The following SDK1 variants were observed in gnomAD, a reference collection of about 807,000 sequenced individuals.
The protein encoded by SDK1 is protein sidekick-1.
In SDK1, 157 loss-of-function variants were observed where a neutral mutation model predicts 245.5. That is an observed-to-expected ratio of 0.64 (90% CI 0.56 to 0.73). SDK1 has a LOEUF of 0.73. Among genes scored for constraint, SDK1 ranks in the 30% least tolerant of loss-of-function variants. The pLI, the probability that SDK1 is intolerant of heterozygous loss-of-function variation, is 0.00. For synonymous variants in SDK1, 1,647 were observed against 1,278.5 expected (o/e 1.29, Z -6.15); for missense variants, 3,583 against 3,002.3 (o/e 1.19, Z -4.52).
At chr7:3,407,218 T>G (rs1779078976) in intron 1 of SDK1, among the ~76,000 whole-genome samples, 2 of 152,242 alleles carry the variant, frequency 1.3e-5, no homozygotes, top group Admixed American at 1.3e-4. Flanking sequence ...TTTCTGGAAC[T>G]TTGCGTGAAA....
intron 7 of SDK1, among the ~76,000 whole-genome samples, chr7:3,952,285 T>C (rs939703937): frequency 2.0e-5 from 3 of 152,200 alleles, no homozygotes; most frequent in Non-Finnish European, 4.4e-5. Context: ...CAGAAACTAT[T>C]CTATTATTGC....
chr7:4,156,343 C>T (rs943317192), intron 30 of SDK1, among the ~76,000 whole-genome samples: 1 of 152,192 alleles, frequency 6.6e-6, no homozygotes, highest in East Asian at 1.9e-4. Flanking sequence ...TTTGTTTTAA[C>T]TTAGCAAAGG....
chr7:3,826,467 G>A (rs954123092), intron 5 of SDK1, among the ~76,000 whole-genome samples: 4 of 152,132 alleles, frequency 2.6e-5, no homozygotes, highest in Non-Finnish European at 4.4e-5. Flanking sequence ...TTCTACTAAC[G>A]ACACAAGTGT....
Position 4,268,182 on chromosome 7 carries a change from C to T in SDK1, c.*2798C>T. On this transcript the variant is annotated 3_prime_UTR_variant, in exon 45 of 45. Coordinates refer to ENST00000404826, the MANE Select transcript of SDK1 (RefSeq NM_152744.4). ...CAGTGGCTGAGTCTCCCCACCCACC[C>T]CCAACGTGGCTCATTTCAGATTGCT... 1 of 987,312 alleles carries T rather than the reference C, an allele frequency of 1.0e-6. No homozygotes were observed. The highest frequency in any genetic ancestry group is 1.2e-6 in the Non-Finnish European group (1 of 831,124). The allele number at this position is 987,312 out of a possible 1,614,324, so 61.2% of individuals were successfully genotyped here.
At chr7:3,640,597 A>C (rs1246211318) in intron 3 of SDK1, among the ~76,000 whole-genome samples, 1 of 152,138 alleles carries the variant, frequency 6.6e-6, no homozygotes, top group African/African-American at 2.4e-5. Flanking sequence ...TTTTAAGAAG[A>C]GCTTCAAAAT....
chr7:3,438,751 T>A (rs1171639367), intron 1 of SDK1, among the ~76,000 whole-genome samples: 1 of 152,168 alleles, frequency 6.6e-6, no homozygotes, highest in Non-Finnish European at 1.5e-5. Flanking sequence ...TCTTCTCCTT[T>A]CACTTCAAAC....
At chr7:3,931,644 AT>A (rs1455158646) in intron 5 of SDK1, among the ~76,000 whole-genome samples, 1 of 152,186 alleles carries the variant, frequency 6.6e-6, no homozygotes, top group Non-Finnish European at 1.5e-5. Flanking sequence ...TTCCTCAGTG[AT>A]ATTTGCTCAG....
At chr7:3,671,522 C>T (rs1346221126) in intron 4 of SDK1, among the ~76,000 whole-genome samples, 1 of 152,096 alleles carries the variant, frequency 6.6e-6, no homozygotes, top group South Asian at 2.1e-4. Context: ...TCCCTTCTTT[C>T]TCAATATAGC....
chr7:4,262,418 C>G lies in SDK1; in HGVS notation c.6382-2706C>G, dbSNP rs552227262. Among the ~76,000 whole-genome samples, 12 of 151,480 alleles carry G rather than the reference C, an allele frequency of 7.9e-5. No individual in the cohort carries two copies. In the South Asian group the frequency reaches 2.5e-3, roughly 32 times the overall value. On this transcript the variant is annotated intron_variant, in intron 44 of 44. Transcript: ENST00000404826. ...TCAGAAAATGAACCTAGAAAACATG[C>G]AGGGTCCATGTTCTTAATGGAAGCT...
intron 27 of SDK1, among the ~76,000 whole-genome samples, chr7:4,130,864 A>G (rs1416291066): frequency 2.0e-5 from 3 of 152,204 alleles, no homozygotes; most frequent in African/African-American, 7.2e-5. Context: ...GAGTGGCTGA[A>G]GAAGTGAAAC....
chr7:3,971,576 C>A lies in SDK1; in HGVS notation c.1817+8C>A, dbSNP rs1782490495. The A allele has an allele frequency of 1.9e-6, 3 of 1,575,402 alleles. No homozygotes were observed. The highest frequency in any genetic ancestry group is 1.3e-5 in the African/African-American group (1 of 74,234). On this transcript the variant is annotated splice_region_variant and intron_variant, in intron 12 of 44. Transcript: ENST00000404826. ...CCCCCGGGTTTCACTCCGGTCAGCACAATCAGTTACAATGCTTTGGGGCTT... is the reference window on the plus strand; with the variant it reads ...CCCCCGGGTTTCACTCCGGTCAGCAAAATCAGTTACAATGCTTTGGGGCTT...
At chr7:3,742,996 G>C (rs1779519161) in intron 4 of SDK1, among the ~76,000 whole-genome samples, 1 of 152,180 alleles carries the variant, frequency 6.6e-6, no homozygotes, top group African/African-American at 2.4e-5. Flanking sequence ...AGCATGTATG[G>C]ATATTCAGTA....
intron 4 of SDK1, among the ~76,000 whole-genome samples, chr7:3,715,120 A>G (rs970686131): frequency 4.6e-5 from 7 of 152,182 alleles, no homozygotes; most frequent in Admixed American, 6.6e-5. Flanking sequence ...ATTGTTCACT[A>G]TATTCCAAAA....
intron 30 of SDK1, among the ~76,000 whole-genome samples, chr7:4,156,114 G>A (rs907323660): frequency 7.9e-5 from 12 of 152,174 alleles, no homozygotes; most frequent in African/African-American, 2.4e-4. Context: ...CTGAGGCAAA[G>A]TATGCTGTCC....
Position 4,265,432 on chromosome 7 carries a change from A to C in SDK1, c.*48A>C. ...GGGCGGAACGGAGGCAACTTTCCGGAGTCTATTTTTGTTAAGACAATCAAC... is the reference window on the plus strand; with the variant it reads ...GGGCGGAACGGAGGCAACTTTCCGGCGTCTATTTTTGTTAAGACAATCAAC... On this transcript the variant is annotated 3_prime_UTR_variant, in exon 45 of 45. Coordinates refer to ENST00000404826, the MANE Select transcript of SDK1 (RefSeq NM_152744.4). 2.1e-6 allele frequency: 3 copies of C among 1,402,058 alleles called. No individual in the cohort carries two copies. Among genetic ancestry groups the C allele is most frequent in the Non-Finnish European group, 2.8e-6 (3 of 1,086,620 alleles). The allele number at this position is 1,402,058 out of a possible 1,614,324, so 86.9% of individuals were successfully genotyped here.
chr7:3,577,910 G>C lies in SDK1; in HGVS notation c.299-41170G>C, dbSNP rs535678997. On this transcript the variant is annotated intron_variant, in intron 1 of 44. Transcript: ENST00000404826. ...GGTGTGCGGTGACTGCATTGCTGAT[G>C]TGGTTTAAAGGAACCTGGAGCTCTT... Among the ~76,000 whole-genome samples the C allele has an allele frequency of 5.9e-5, 9 of 152,096 alleles. No homozygotes were observed. The South Asian group carries it at 1.7e-3, about 28-fold the overall frequency.
At chr7:3,549,267 G>A (rs765827881) in intron 1 of SDK1, among the ~76,000 whole-genome samples, 5 of 152,112 alleles carry the variant, frequency 3.3e-5, no homozygotes, top group Admixed American at 2.0e-4. Flanking sequence ...GTGAGGATGC[G>A]TTGTTTTTGT....
intron 1 of SDK1, among the ~76,000 whole-genome samples, chr7:3,449,536 C>T (rs187257960): frequency 2.1e-3 from 316 of 152,256 alleles, no homozygotes; most frequent in African/African-American, 7.4e-3. Flanking sequence ...GTTAGATCAT[C>T]TTTATAATTA....
chr7:3,766,276 T>G (rs1780251075), intron 4 of SDK1, among the ~76,000 whole-genome samples: 1 of 152,222 alleles, frequency 6.6e-6, no homozygotes, highest in South Asian at 2.1e-4. Flanking sequence ...CTTAACACTT[T>G]CTAAATTCAT....
Sources: gnomAD v4.1 joint callset for allele counts (sites outside exome capture counted in the v4.1 genomes callset) on GRCh38, gnomAD v4.1.1 for gene constraint, MANE v1.5 for transcripts, NCBI Gene and HGNC (gene_info 2026-07-23, HGNC 2026-07-21) for gene names.